The following ACSL5 variants were observed in gnomAD, a reference collection of about 807,000 sequenced individuals.
The protein encoded by ACSL5 is acyl-CoA synthetase long chain family member 5.
ACSL5 carries 50 observed loss-of-function variants against 84.9 expected under a neutral mutation model. That is an observed-to-expected ratio of 0.59 (90% CI 0.47 to 0.75). ACSL5 has a LOEUF of 0.75. ACSL5 is among the 30% of genes least tolerant of loss of function. ACSL5 has a pLI of 0.00. For synonymous variants in ACSL5, 280 were observed against 300.7 expected (o/e 0.93, Z 0.71); for missense variants, 775 against 830.4 (o/e 0.93, Z 0.82).
At chr10:112,411,349 C>A in intron 9 of ACSL5, 107 bp from the exon 10 acceptor site, 1 of 893,166 alleles carries the variant, frequency 1.1e-6, no homozygotes, top group Non-Finnish European at 1.8e-6. Flanking sequence ...ACAGGAAATG[C>A]TCTTGGCCTT....
intron 11 of ACSL5, 95 bp downstream of exon 11, chr10:112,412,074 C>A: frequency 7.8e-7 from 1 of 1,288,824 alleles, no homozygotes; most frequent in Non-Finnish European, 1.1e-6. Flanking sequence ...ATTTACTGTT[C>A]TTTCTCCGGT....
At chr10:112,403,043 T>A (rs892181859) in intron 3 of ACSL5, among the ~76,000 whole-genome samples, 9 of 152,242 alleles carry the variant, frequency 5.9e-5, no homozygotes, top group Non-Finnish European at 1.2e-4. Context: ...AAATGCAAGA[T>A]GTAAATTGGA....
At chr10:112,406,871 G>A (rs1844051487) in intron 5 of ACSL5, among the ~76,000 whole-genome samples, 1 of 152,156 alleles carries the variant, frequency 6.6e-6, no homozygotes, top group South Asian at 2.1e-4. Flanking sequence ...CTCACTCACT[G>A]TCACGAGAAC....
chr10:112,390,180 T>C (rs1849528785), intron 1 of ACSL5, among the ~76,000 whole-genome samples: 1 of 152,176 alleles, frequency 6.6e-6, no homozygotes, highest in Admixed American at 6.5e-5. Flanking sequence ...ATAAGTGTTG[T>C]GTGTATATAT....
chr10:112,416,933 C>G lies in ACSL5; in HGVS notation c.1129C>G (p.Leu377Val). 6.2e-7 allele frequency: 1 copy of G among 1,614,018 alleles called. No individual in the cohort carries two copies. The highest frequency in any genetic ancestry group is 2.2e-5 in the East Asian group (1 of 44,872). Residue 377 changes from leucine to valine, a missense_variant, in exon 13 of 21, where the codon CTG (leucine) becomes GTG (valine). Physicochemically the swap from Leu to Val is conservative, Grantham distance 32. Transcript: ENST00000354655. ...KTPLKKFLLKLAVSSKFKELQ... is the reference protein window; with the variant it reads ...KTPLKKFLLKVAVSSKFKELQ... ...ACCCTTGAAGAAGTTCTTGTTGAAGCTGGCTGTTTCCAGTAAATTCAAAGA... is the reference window on the plus strand; with the variant it reads ...ACCCTTGAAGAAGTTCTTGTTGAAGGTGGCTGTTTCCAGTAAATTCAAAGA...
At chr10:112,412,250 C>T in intron 11 of ACSL5, 3 of 390,976 alleles carry the variant, frequency 7.7e-6, no homozygotes, top group Non-Finnish European at 1.4e-5. Flanking sequence ...CAGCTAGGAG[C>T]TTACTATCTA....
At chr10:112,401,792 CTTTCTT>C (rs1564736342) in intron 3 of ACSL5, among the ~76,000 whole-genome samples, 4,003 of 94,568 alleles carry the variant, frequency 0.042, 103 homozygotes, top group African/African-American at 0.058. Context: ...CTTTCTCTTT[CTTTCTT>C]TCTTTCTTTC....
At chr10:112,374,637 CAG>C in intron 1 of ACSL5, among the ~76,000 whole-genome samples, 1 of 152,160 alleles carries the variant, frequency 6.6e-6, no homozygotes, top group East Asian at 1.9e-4. Flanking sequence ...CTGCTGAGGG[CAG>C]AGAGTCCCAT....
Position 112,421,993 on chromosome 10 carries a change from T to C in ACSL5, c.1434T>C (p.Asp478=). Residue 478 remains aspartate, a synonymous_variant, in exon 16 of 21, where the codon GAT becomes GAC. Transcript: ENST00000354655. ...PLACNYVKLE[D]VADMNYFTVN... is the part of the protein sequence containing the mutation. ...CTTGCAATTACGTGAAGCTGGAAGA[T>C]GTGGCTGACATGAACTACTTTACAG... 6.2e-7 allele frequency: 1 copy of C among 1,614,208 alleles called. No homozygotes were observed.
At chr10:112,383,644 CTG>C (rs1396214991) in intron 1 of ACSL5, among the ~76,000 whole-genome samples, 2 of 152,188 alleles carry the variant, frequency 1.3e-5, no homozygotes, top group African/African-American at 4.8e-5. Flanking sequence ...TTGGAAGAGG[CTG>C]TGTGTCAAAT....
intron 1 of ACSL5, among the ~76,000 whole-genome samples, chr10:112,378,966 G>A (rs982493346): frequency 6.6e-6 from 1 of 152,196 alleles, no homozygotes; most frequent in African/African-American, 2.4e-5. Context: ...GAAGCTGGTG[G>A]ATCTCCCAGT....
chr10:112,406,278 G>A (rs146155864), intron 5 of ACSL5: 110 of 152,328 alleles, frequency 7.2e-4, no homozygotes, highest in African/African-American at 2.6e-3. Flanking sequence ...TTGACTTGTA[G>A]ACAGCCACTT....
At chr10:112,421,732 T>C in intron 15 of ACSL5, 67 bp downstream of exon 15, 2 of 1,516,688 alleles carry the variant, frequency 1.3e-6, no homozygotes, top group Non-Finnish European at 1.8e-6. Flanking sequence ...GAACTAGGAC[T>C]TTGGAGTTTA....
At chr10:112,381,501 C>T (rs1005274745) in intron 1 of ACSL5, among the ~76,000 whole-genome samples, 4 of 151,590 alleles carry the variant, frequency 2.6e-5, no homozygotes, top group Admixed American at 2.6e-4. Flanking sequence ...ACCCCCTCTA[C>T]TAAAAATACA....
At chr10:112,401,027 AGGCGTGAGAAATCT>A (rs1843873810) in intron 3 of ACSL5, among the ~76,000 whole-genome samples, 1 of 152,186 alleles carries the variant, frequency 6.6e-6, no homozygotes, top group Admixed American at 6.5e-5. Context: ...TCATGGAAGC[AGGCGTGAGAAATCT>A]GGTGTGGCTA....
intron 11 of ACSL5, 176 bp downstream of exon 11, chr10:112,412,155 G>A: frequency 1.6e-6 from 1 of 637,134 alleles, no homozygotes. Flanking sequence ...TTCCTGCAGA[G>A]TCTTCCTCTG....
intron 1 of ACSL5, chr10:112,375,350 A>C (rs1849216902): frequency 6.6e-6 from 1 of 151,296 alleles, no homozygotes; most frequent in African/African-American, 2.4e-5. Context: ...CCCAGAGGCC[A>C]AGGGCTCAGC....
intron 1 of ACSL5, among the ~76,000 whole-genome samples, chr10:112,385,135 G>A (rs150981078): frequency 2.6e-5 from 4 of 152,112 alleles, no homozygotes; most frequent in African/African-American, 4.8e-5. Context: ...ATGAACCTGC[G>A]TGCCAGCCAT....
chr10:112,404,455 C>A, intron 3 of ACSL5, 56 bp from the exon 4 acceptor site: 2 of 1,390,608 alleles, frequency 1.4e-6, no homozygotes, highest in East Asian at 2.3e-5. Flanking sequence ...TTTTAGCTTC[C>A]TTGGTCCAGA....
Sources: gnomAD v4.1 joint callset for allele counts (sites outside exome capture counted in the v4.1 genomes callset) on GRCh38, gnomAD v4.1.1 for gene constraint, MANE v1.5 for transcripts, NCBI Gene and HGNC (gene_info 2026-07-23, HGNC 2026-07-21) for gene names.